MDFIC: variants seen among roughly 807,000 people sequenced by gnomAD.
MDFIC encodes the protein MyoD family inhibitor domain containing.
A neutral mutation model predicts 23.2 loss-of-function variants in MDFIC; 17 were observed. The observed-to-expected ratio is 0.73, with a 90% confidence interval of 0.50 to 1.10. The LOEUF (loss-of-function observed/expected upper bound fraction) is 1.10, where lower values mean the gene tolerates loss of function less well. Ranked by LOEUF, MDFIC falls within the 50% of genes least tolerant of loss-of-function variation. MDFIC has a pLI of 0.00. For missense variants in MDFIC, 356 were observed against 316.6 expected, an observed-to-expected ratio of 1.12 and a Z score of -0.95; for synonymous variants, 120 against 115.2, an observed-to-expected ratio of 1.04 and a Z score of -0.27.
Position 115,019,480 on chromosome 7 carries a change from A to G in MDFIC, c.*3545A>G, listed in dbSNP as rs1474456718. 6.6e-6 allele frequency among the ~76,000 whole-genome samples: 1 copy of G among 152,110 alleles called. No homozygotes were observed. The highest frequency in any genetic ancestry group is 1.5e-5 in the Non-Finnish European group (1 of 67,976). Reference sequence around the variant, plus strand: ...CTAGATTCTAATGTTATAAACGTCAAACATCACTGCCCAACATAAATAAGA... The same window carrying G: ...CTAGATTCTAATGTTATAAACGTCAGACATCACTGCCCAACATAAATAAGA... On this transcript the variant is annotated 3_prime_UTR_variant, in exon 5 of 5. Coordinates refer to ENST00000393486, the MANE Select transcript of MDFIC (RefSeq NM_001166345.3).
chr7:114,991,621 T>G (rs1210948551), intron 4 of MDFIC, among the ~76,000 whole-genome samples: 1 of 152,104 alleles, frequency 6.6e-6, no homozygotes, highest in African/African-American at 2.4e-5. Flanking sequence ...TTTCCCCATT[T>G]CTTGTTTTTG....
At chr7:114,923,904 A>G (rs1244014894) in intron 2 of MDFIC, among the ~76,000 whole-genome samples, 1 of 152,232 alleles carries the variant, frequency 6.6e-6, no homozygotes, top group Non-Finnish European at 1.5e-5. Context: ...TATCAGAACT[A>G]AGTAATTTTT....
chr7:115,006,429 G>C (rs1193122533), intron 4 of MDFIC, among the ~76,000 whole-genome samples: 1 of 152,082 alleles, frequency 6.6e-6, no homozygotes, highest in Non-Finnish European at 1.5e-5. Context: ...TGTGACCAAG[G>C]TGTTATTTTA....
At chr7:114,981,309 G>A (rs1344653182) in intron 4 of MDFIC, among the ~76,000 whole-genome samples, 2 of 152,144 alleles carry the variant, frequency 1.3e-5, no homozygotes, top group African/African-American at 4.8e-5. Flanking sequence ...ATAGCTTATG[G>A]AATGTTTATA....
At chr7:114,998,093 A>C (rs1038685494) in intron 4 of MDFIC, among the ~76,000 whole-genome samples, 3 of 152,198 alleles carry the variant, frequency 2.0e-5, no homozygotes, top group African/African-American at 7.2e-5. Flanking sequence ...TCTTAGTTAC[A>C]ATAATAGCAC....
chr7:114,998,423 C>T (rs544779273), intron 4 of MDFIC, among the ~76,000 whole-genome samples: 3 of 151,902 alleles, frequency 2.0e-5, no homozygotes, highest in Non-Finnish European at 4.4e-5. Context: ...AAATGAGTTG[C>T]ATTGTTGAGG....
intron 3 of MDFIC, among the ~76,000 whole-genome samples, chr7:114,946,173 G>A (rs908834501): frequency 6.6e-6 from 1 of 152,050 alleles, no homozygotes; most frequent in Non-Finnish European, 1.5e-5. Context: ...AGAAGCAACA[G>A]AAGCAACATT....
intron 2 of MDFIC, among the ~76,000 whole-genome samples, chr7:114,941,998 G>A (rs1367668967): frequency 6.6e-6 from 1 of 152,090 alleles, no homozygotes; most frequent in Non-Finnish European, 1.5e-5. Flanking sequence ...CTCTATCATG[G>A]CACATCACTT....
chr7:114,938,114 G>A (rs1792464419), intron 2 of MDFIC, among the ~76,000 whole-genome samples: 2 of 152,024 alleles, frequency 1.3e-5, no homozygotes, highest in Non-Finnish European at 2.9e-5. Flanking sequence ...GTGCCACCAT[G>A]CCCAGATAAT....
chr7:114,966,390 T>G (rs1386330369), intron 3 of MDFIC, among the ~76,000 whole-genome samples: 1 of 138,578 alleles, frequency 7.2e-6, no homozygotes, highest in African/African-American at 2.7e-5. Flanking sequence ...CACTCTGATG[T>G]CCTAGTCAGG....
intron 4 of MDFIC, among the ~76,000 whole-genome samples, chr7:115,010,361 G>A (rs1312955421): frequency 6.6e-6 from 1 of 151,840 alleles, no homozygotes; most frequent in African/African-American, 2.4e-5. Context: ...ACAAATAGAA[G>A]GGTTTTATAA....
In MDFIC at chr7:114,975,510, T is replaced by A. The variant is rs531256281; in HGVS notation, c.218-3996T>A. Among the ~76,000 whole-genome samples, 36 of 151,632 alleles carry A rather than the reference T, an allele frequency of 2.4e-4. 2 individuals carry two copies. The South Asian group carries it at 6.0e-3, about 25-fold the overall frequency. ...TCATTAAAGGGAGAGTGAGGGTCCC[T>A]AGGCATCACTTGTGTTTTAAGAAGC... On this transcript the variant is annotated intron_variant, in intron 3 of 4. Coordinates refer to ENST00000393486, the MANE Select transcript of MDFIC (RefSeq NM_001166345.3).
At chr7:114,962,612 T>G (rs934825650) in intron 3 of MDFIC, among the ~76,000 whole-genome samples, 2 of 152,210 alleles carry the variant, frequency 1.3e-5, no homozygotes, top group African/African-American at 4.8e-5. Flanking sequence ...GAGTCTGTTT[T>G]TTTTGAACCA....
At chr7:115,014,011 C>T in intron 4 of MDFIC, 1 of 985,346 alleles carries the variant, frequency 1.0e-6, no homozygotes, top group East Asian at 1.1e-4. Context: ...TAAAAGTGGG[C>T]TTGGCACTAA....
At chr7:114,940,209 A>T (rs904778117) in intron 2 of MDFIC, among the ~76,000 whole-genome samples, 2 of 152,366 alleles carry the variant, frequency 1.3e-5, no homozygotes, top group South Asian at 4.1e-4. Flanking sequence ...GGTTTTGTTT[A>T]TAAAAATCCT....
At chr7:114,924,405 A>T (rs553582226) in intron 2 of MDFIC, among the ~76,000 whole-genome samples, 1 of 152,240 alleles carries the variant, frequency 6.6e-6, no homozygotes, top group South Asian at 2.1e-4. Flanking sequence ...AACATCAAAC[A>T]CCCAAGGAAA....
chr7:114,951,285 G>A (rs1792763964), intron 3 of MDFIC, among the ~76,000 whole-genome samples: 1 of 152,092 alleles, frequency 6.6e-6, no homozygotes, highest in Admixed American at 6.5e-5. Context: ...TCAGTCACCT[G>A]TTGGGGATGA....
At chr7:114,940,202 T>G (rs957554375) in intron 2 of MDFIC, among the ~76,000 whole-genome samples, 2 of 152,232 alleles carry the variant, frequency 1.3e-5, no homozygotes, top group Non-Finnish European at 1.5e-5. Context: ...TGAATATGGT[T>G]TTGTTTATAA....
intron 4 of MDFIC, among the ~76,000 whole-genome samples, chr7:114,992,491 A>C (rs1791195591): frequency 6.6e-6 from 1 of 152,216 alleles, no homozygotes; most frequent in Admixed American, 6.5e-5. Flanking sequence ...TGGGTTTGTC[A>C]TAAATAGCTC....
Sources: gnomAD v4.1 joint callset for allele counts (sites outside exome capture counted in the v4.1 genomes callset) on GRCh38, gnomAD v4.1.1 for gene constraint, MANE v1.5 for transcripts, NCBI Gene and HGNC (gene_info 2026-07-23, HGNC 2026-07-21) for gene names.